The following WASHC5 variants were observed in gnomAD, a reference collection of about 807,000 sequenced individuals.
WASHC5 encodes WASH complex subunit 5, also known as WASH complex subunit strumpellin.
WASHC5 carries 101 observed loss-of-function variants against 150.4 expected under a neutral mutation model. That is an observed-to-expected ratio of 0.67 (90% confidence interval 0.57 to 0.79). The LOEUF is 0.79. Among genes scored for constraint, WASHC5 ranks in the 30% least tolerant of loss-of-function variants. WASHC5 has a pLI of 0.00. For synonymous variants in WASHC5, 467 were observed against 491.2 expected, an observed-to-expected ratio of 0.95 and a Z score of 0.65; for missense variants, 1,195 against 1,396.3, an observed-to-expected ratio of 0.86 and a Z score of 2.30.
At chr8:125,024,848 C>T (rs1011215196) in intron 28 of WASHC5, among the ~76,000 whole-genome samples, 175 bp from the exon 29 acceptor site, 2 of 151,874 alleles carry the variant, frequency 1.3e-5, no homozygotes, top group African/African-American at 2.4e-5. Context: ...CCTAGACTAG[C>T]GTCTCATTTC....
Position 125,076,516 on chromosome 8 carries a change from G to A in WASHC5, c.712-16C>T, listed in dbSNP as rs554944436. 1.8e-5 allele frequency: 29 copies of A among 1,612,800 alleles called. No individual in the cohort carries two copies. Among genetic ancestry groups the A allele is most frequent in the Admixed American group, 5.0e-5 (3 of 59,964 alleles). ...ACGCTGAGACCTGCAATGTCAAGAC[G>A]ACACCCCGAGAAAGCTGTTGGCAAC... On this transcript the variant is annotated splice_polypyrimidine_tract_variant and intron_variant, in intron 6 of 28. Transcript: ENST00000318410.
At position 125,059,533 on chromosome 8, in the gene WASHC5, AT is replaced by A. The variant is rs1318943312; in HGVS notation, c.1530del (p.Glu510AspfsTer25). ...QLIQALEEVQ[E>X]FHQLESNLQV... ...TGCAGATTGGATTCCAACTGGTGGAATTCTTGAACCTGTGTTACAGAAATAT... is the reference window on the plus strand; with the variant it reads ...TGCAGATTGGATTCCAACTGGTGGAATCTTGAACCTGTGTTACAGAAATAT... On this transcript the variant is annotated frameshift_variant, in exon 13 of 29. Coordinates refer to ENST00000318410, the MANE Select transcript of WASHC5 (RefSeq NM_014846.4). LOFTEE classifies it high-confidence loss of function. The A allele has an allele frequency of 6.2e-7, 1 of 1,613,374 alleles. No individual in the cohort carries two copies. Among genetic ancestry groups the A allele is most frequent in the Non-Finnish European group, 8.5e-7 (1 of 1,179,602 alleles).
chr8:125,031,808 T>C (rs1815546626), intron 27 of WASHC5, among the ~76,000 whole-genome samples: 1 of 152,206 alleles, frequency 6.6e-6, no homozygotes, highest in Non-Finnish European at 1.5e-5. Context: ...GAAATTTGCT[T>C]CTCTACATGC....
chr8:125,044,123 C>A (rs1218961095), intron 21 of WASHC5, 29 bp from the exon 22 acceptor site: 2 of 1,418,064 alleles, frequency 1.4e-6, no homozygotes, highest in Admixed American at 1.7e-5. Flanking sequence ...GGTCAAAGAA[C>A]CAAACATAAT....
At chr8:125,044,455 G>A (rs755944813) in intron 21 of WASHC5, 81 bp downstream of exon 21, 1 of 1,443,498 alleles carries the variant, frequency 6.9e-7, no homozygotes, top group Non-Finnish European at 9.8e-7. Flanking sequence ...AAGGTTAAGT[G>A]AGTTCAAACT....
At position 125,061,176 on chromosome 8, in the gene WASHC5, A is replaced by G; in HGVS notation, c.1427T>C (p.Phe476Ser). ...VEKNENLQAW[F>S]REISKQILSL... is the part of the protein sequence containing the mutation. ...CAATATTTGTTTTGAGATCTCTCTG[A>G]ACCAAGCTTGAAGGTTTTCTAGTAA... Residue 476 changes from phenylalanine to serine, a missense_variant, in exon 12 of 29, where the codon TTC (phenylalanine) becomes TCC (serine). Physicochemically the swap from Phe to Ser is radical, Grantham distance 155. Around this residue, in one of 3 missense-constraint regions of WASHC5, gnomAD observed 997 missense variants for 1,168.1 expected, o/e 0.85. Transcript: ENST00000318410. 1 of 1,602,014 alleles carries G rather than the reference A, an allele frequency of 6.2e-7. No homozygotes were observed.
intron 9 of WASHC5, among the ~76,000 whole-genome samples, chr8:125,069,714 AT>A (rs1038314045): frequency 1.3e-5 from 2 of 152,106 alleles, no homozygotes; most frequent in African/African-American, 4.8e-5. Context: ...CAAAGTTCTG[AT>A]TTTTCATGAA....
intron 28 of WASHC5, among the ~76,000 whole-genome samples, chr8:125,025,833 G>GACAC (rs34050035): frequency 0.017 from 2,487 of 148,120 alleles, 43 homozygotes; most frequent in Admixed American, 0.043. Context: ...TATGCAGACA[G>GACAC]ACACACACAC....
At chr8:125,047,797 G>A (rs543956175) in intron 19 of WASHC5, among the ~76,000 whole-genome samples, 6 of 152,184 alleles carry the variant, frequency 3.9e-5, no homozygotes, top group Admixed American at 2.0e-4. Flanking sequence ...TGATCCACCT[G>A]CCTCGGCCTT....
At chr8:125,064,399 T>G (rs868500104) in intron 10 of WASHC5, among the ~76,000 whole-genome samples, 3,945 of 141,792 alleles carry the variant, frequency 0.028, 181 homozygotes, top group African/African-American at 0.1. Context: ...TTTTTTTTTT[T>G]GCAGAGATGG....
At chr8:125,073,430 GA>G in intron 8 of WASHC5, 106 bp from the exon 9 acceptor site, 2 of 942,558 alleles carry the variant, frequency 2.1e-6, no homozygotes, top group Non-Finnish European at 3.4e-6. Flanking sequence ...TATATAGGAT[GA>G]ATGACATATG....
chr8:125,089,548 G>A (rs549916138), intron 1 of WASHC5, among the ~76,000 whole-genome samples: 1 of 152,328 alleles, frequency 6.6e-6, no homozygotes, highest in South Asian at 2.1e-4. Flanking sequence ...GACAAGCTAT[G>A]ATTAACAGGT....
chr8:125,071,241 T>C (rs1466891164), intron 9 of WASHC5, among the ~76,000 whole-genome samples: 2 of 152,178 alleles, frequency 1.3e-5, no homozygotes, highest in East Asian at 3.8e-4. Flanking sequence ...TTAGTGTTGA[T>C]CCAGCATTTA....
rs1310353980 is a variant in WASHC5 at position 125,057,619 on chromosome 8, A to G, written c.1812T>C (p.Asn604=). ...GTGACACGCTGAGCAGGTCGGGGCT[A>G]TTTGCCTGATTAATACGAAGAAGGG... ...DLPLLRINQA[N]SPDLLSVSQY... The change falls in exon 15 of 29, where the codon AAT becomes AAC. Residue 604 remains asparagine, a synonymous_variant. Transcript: ENST00000318410. 2 of 1,614,018 alleles carry G rather than the reference A, an allele frequency of 1.2e-6. No individual in the cohort carries two copies. The highest frequency in any genetic ancestry group is 1.7e-6 in the Non-Finnish European group (2 of 1,179,950).
Position 125,029,323 on chromosome 8 carries a change from G to A in WASHC5, c.3336-616C>T, listed in dbSNP as rs188082579. Among the ~76,000 whole-genome samples the A allele has an allele frequency of 1.1e-3, 169 of 152,222 alleles. 2 individuals are homozygous for A. Among genetic ancestry groups the A allele is most frequent in the South Asian group, 4.1e-3 (20 of 4,826 alleles). On this transcript the variant is annotated intron_variant, in intron 27 of 28. Transcript: ENST00000318410. ...GTTGGGATTACAGGCGTGAGCCACC[G>A]CACCTGGCCTGCACACTGATTTGAA...
At chr8:125,088,852 T>C (rs1213428009) in intron 1 of WASHC5, among the ~76,000 whole-genome samples, 1 of 152,024 alleles carries the variant, frequency 6.6e-6, no homozygotes, top group Admixed American at 6.6e-5. Context: ...ATCCTAATAA[T>C]GGCATCCCAA....
chr8:125,036,301 A>G (rs1252320555), intron 26 of WASHC5, among the ~76,000 whole-genome samples: 1 of 152,202 alleles, frequency 6.6e-6, no homozygotes, highest in Non-Finnish European at 1.5e-5. Context: ...GAAGAGAATC[A>G]AAACAAAGGT....
intron 5 of WASHC5, among the ~76,000 whole-genome samples, chr8:125,081,169 T>G (rs1817248500): frequency 6.6e-6 from 1 of 151,946 alleles, no homozygotes; most frequent in South Asian, 2.1e-4. Flanking sequence ...ATTATATAAT[T>G]TATAATCATT....
intron 16 of WASHC5, 119 bp from the exon 17 acceptor site, chr8:125,055,790 A>G (rs988333022): frequency 6.7e-6 from 5 of 746,510 alleles, no homozygotes; most frequent in Non-Finnish European, 1.2e-5. Flanking sequence ...CTGGACAGAA[A>G]TGAGGCTCTG....
Sources: allele counts gnomAD v4.1 joint callset (sites outside exome capture counted in the v4.1 genomes callset), GRCh38; gene constraint gnomAD v4.1.1; regional missense constraint gnomAD v4.1.1; transcripts MANE v1.5; gene names NCBI Gene and HGNC (gene_info 2026-07-23, HGNC 2026-07-21).